Variants in ROBO2 observed in about 807,000 individuals in gnomAD.
ROBO2 encodes the protein roundabout homolog 2.
In ROBO2, 53 loss-of-function variants were observed where a neutral mutation model predicts 160.8. The observed-to-expected ratio is 0.33, with a 90% confidence interval of 0.26 to 0.41. The LOEUF (loss-of-function observed/expected upper bound fraction) is 0.41, where lower values mean the gene tolerates loss of function less well. Among genes scored for constraint, ROBO2 ranks in the 10% least tolerant of loss-of-function variants. ROBO2 has a pLI of 1.00. For synonymous variants in ROBO2, 664 were observed against 611.7 expected (o/e 1.09, Z -1.26); for missense variants, 1,577 against 1,722.4 (o/e 0.92, Z 1.49).
At chr3:76,105,802 A>C (rs17013788) in intron 2 of ROBO2, among the ~76,000 whole-genome samples, 3,822 of 152,132 alleles carry the variant, frequency 0.025, 145 homozygotes, top group African/African-American at 0.079. Context: ...GAGTCCAATA[A>C]GGAGAAGGAA....
intron 6 of ROBO2, among the ~76,000 whole-genome samples, chr3:77,537,106 G>GGT (rs1031490787): frequency 1.4e-5 from 2 of 142,484 alleles, no homozygotes; most frequent in African/African-American, 5.2e-5. Context: ...TTGTGGGGGG[G>GGT]GGGTGTATTA....
intron 2 of ROBO2, among the ~76,000 whole-genome samples, chr3:76,765,034 G>A (rs895652664): frequency 6.6e-6 from 1 of 151,550 alleles, no homozygotes; most frequent in African/African-American, 2.4e-5. Context: ...TACCCAATAG[G>A]TAATTTTTCA....
chr3:76,620,886 T>C (rs946548646), intron 2 of ROBO2, among the ~76,000 whole-genome samples: 4 of 152,186 alleles, frequency 2.6e-5, no homozygotes, highest in Admixed American at 1.3e-4. Flanking sequence ...CCGAGGCAAC[T>C]GCTAAACCTA....
intron 2 of ROBO2, among the ~76,000 whole-genome samples, chr3:76,714,178 G>T (rs9866600): frequency 4.8e-4 from 73 of 152,212 alleles, no homozygotes; most frequent in African/African-American, 1.7e-3. Context: ...GGAAAATTTT[G>T]CCCATGTGCA....
exon 1 of ROBO2, chr3:77,040,438 G>T: frequency 9.3e-7 from 1 of 1,071,420 alleles, no homozygotes; most frequent in Non-Finnish European, 1.1e-6. Flanking sequence ...CTTGACTTCT[G>T]AAGGAAGAAC....
intron 1 of ROBO2, among the ~76,000 whole-genome samples, chr3:75,909,023 G>C (rs549732602): frequency 6.6e-6 from 1 of 152,218 alleles, no homozygotes; most frequent in Non-Finnish European, 1.5e-5. Flanking sequence ...AACACTGGCA[G>C]ATATATCTAA....
chr3:76,332,604 C>A (rs1241581532), intron 2 of ROBO2, among the ~76,000 whole-genome samples: 1 of 152,158 alleles, frequency 6.6e-6, no homozygotes, highest in Non-Finnish European at 1.5e-5. Context: ...ACAATATAAT[C>A]TTGATAGGTG....
intron 2 of ROBO2, among the ~76,000 whole-genome samples, chr3:76,944,181 G>C (rs1474171319): frequency 6.6e-6 from 1 of 151,712 alleles, no homozygotes; most frequent in Non-Finnish European, 1.5e-5. Flanking sequence ...CTTCTACAAT[G>C]AGTCATTGAA....
intron 2 of ROBO2, among the ~76,000 whole-genome samples, chr3:76,731,608 T>C (rs1440530164): frequency 6.6e-6 from 1 of 152,212 alleles, no homozygotes; most frequent in Admixed American, 6.5e-5. Context: ...GACAGAATAG[T>C]GACTCTGTTA....
intron 2 of ROBO2, among the ~76,000 whole-genome samples, chr3:76,159,282 C>T (rs1177931397): frequency 6.6e-6 from 1 of 152,114 alleles, no homozygotes; most frequent in Non-Finnish European, 1.5e-5. Context: ...TTCATACAAG[C>T]CCATGAAACA....
At chr3:77,460,918 A>G (rs1181892698) in intron 2 of ROBO2, among the ~76,000 whole-genome samples, 1 of 152,204 alleles carries the variant, frequency 6.6e-6, no homozygotes, top group Non-Finnish European at 1.5e-5. Context: ...AAGGAAATTA[A>G]TCACTATATT....
At chr3:77,263,745 A>G (rs1463457502) in intron 2 of ROBO2, among the ~76,000 whole-genome samples, 1 of 152,180 alleles carries the variant, frequency 6.6e-6, no homozygotes. Context: ...AGAATAATTT[A>G]TATTCCTTTG....
rs571256734 is a variant in ROBO2, at chr3:77,515,444, T to C, written c.807-7331T>C. ...CCACGTTTTAAATTATGTCAATTGT[T>C]TAAATAATTTTAAAATATTACTAGG... is the stretch of plus-strand genomic sequence containing the variant. On this transcript the variant is annotated intron_variant, in intron 5 of 25. Transcript: ENST00000461745. Among the ~76,000 whole-genome samples the C allele has an allele frequency of 2.0e-5, 3 of 151,796 alleles. No individual in the cohort carries two copies. In the East Asian group the frequency reaches 5.8e-4, roughly 30 times the overall value.
intron 2 of ROBO2, among the ~76,000 whole-genome samples, chr3:76,668,996 C>T (rs763870288): frequency 2.6e-5 from 4 of 152,072 alleles, no homozygotes; most frequent in African/African-American, 9.7e-5. Flanking sequence ...TGACATGAGA[C>T]GCCTTTTTTG....
chr3:76,815,201 G>T (rs1279294302), intron 2 of ROBO2, among the ~76,000 whole-genome samples: 1 of 151,956 alleles, frequency 6.6e-6, no homozygotes, highest in Admixed American at 6.6e-5. Context: ...GATCTAGCTG[G>T]AATTCTAAAT....
intron 2 of ROBO2, among the ~76,000 whole-genome samples, chr3:76,160,957 T>C (rs2072608874): frequency 6.6e-6 from 1 of 152,160 alleles, no homozygotes; most frequent in Non-Finnish European, 1.5e-5. Context: ...GTTACATGAT[T>C]TTTTTCATGT....
rs138976702 is a variant in ROBO2, at chr3:76,267,441, T to C, written c.109+329839T>C. On this transcript the variant is annotated intron_variant, in intron 2 of 26. Transcript: ENST00000487694. The stretch of plus-strand genomic sequence containing the variant: ...TATTTCCTTTTTAATCACTAGCAAG[T>C]CTATTTTGGGATGTTGCAGGTTTTA... Among the ~76,000 whole-genome samples, 1,214 of 152,238 alleles carry C rather than the reference T, an allele frequency of 8.0e-3. 5 individuals carry two copies. The highest frequency in any genetic ancestry group is 0.019 in the South Asian group (93 of 4,828).
At chr3:75,976,768 TTAGAAACAAGAAGAAGACTCGGA>T (rs1302050428) in intron 2 of ROBO2, among the ~76,000 whole-genome samples, 24 of 151,240 alleles carry the variant, frequency 1.6e-4, no homozygotes, top group African/African-American at 5.6e-4. Context: ...GGAAGAGGAA[TTAGAAACAAGAAGAAGACTCGGA>T]GGAAATAAAA....
intron 2 of ROBO2, among the ~76,000 whole-genome samples, chr3:77,431,315 AG>A (rs1401642983): frequency 2.0e-5 from 3 of 152,182 alleles, no homozygotes; most frequent in Admixed American, 6.5e-5. Context: ...CCTTTGATAA[AG>A]GGGTTATGAT....
Sources: allele counts gnomAD v4.1 joint callset (sites outside exome capture counted in the v4.1 genomes callset), GRCh38; gene constraint gnomAD v4.1.1; transcripts MANE v1.5; gene names NCBI Gene and HGNC (gene_info 2026-07-23, HGNC 2026-07-21).